PNKD: variants seen among roughly 807,000 people sequenced by gnomAD.
PNKD encodes PNKD metallo-beta-lactamase domain containing.
PNKD carries 36 observed loss-of-function variants against 45.3 expected under a neutral mutation model. The ratio of observed to expected loss-of-function variants is 0.80; its 90% CI spans 0.61 to 1.05. The LOEUF is 1.05. Among genes scored for constraint, PNKD ranks in the 50% least tolerant of loss-of-function variants. The probability of loss-of-function intolerance (pLI) is 0.00; values close to 1 mark genes in which losing one functional copy is unlikely to be tolerated. For missense variants in PNKD, 511 were observed against 506.6 expected (o/e 1.01, Z -0.08); for synonymous variants, 197 against 210.1 (o/e 0.94, Z 0.54).
chr2:218,295,501 A>G (rs892678004), intron 2 of PNKD, among the ~76,000 whole-genome samples: 4 of 152,162 alleles, frequency 2.6e-5, no homozygotes, highest in Admixed American at 6.6e-5. Flanking sequence ...AGGAGGTGAC[A>G]CCTGAGTAGA....
chr2:218,336,479 G>A (rs1240906991), intron 2 of PNKD, among the ~76,000 whole-genome samples: 4 of 152,070 alleles, frequency 2.6e-5, no homozygotes, highest in Non-Finnish European at 5.9e-5. Context: ...CTTATACATG[G>A]ATGTGTATTT....
At chr2:218,323,132 A>G in intron 2 of PNKD, 2 of 1,295,544 alleles carry the variant, frequency 1.5e-6, no homozygotes, top group Non-Finnish European at 2.0e-6. Context: ...GGTCCAAAGG[A>G]GAGGTCAATG....
intron 2 of PNKD, chr2:218,282,096 G>C: frequency 1.3e-6 from 2 of 1,563,232 alleles, no homozygotes; most frequent in Non-Finnish European, 1.7e-6. Context: ...CCTGGGTACA[G>C]GGGGTTGCGG....
intron 2 of PNKD, among the ~76,000 whole-genome samples, chr2:218,336,285 A>G (rs968022022): frequency 2.0e-5 from 3 of 151,372 alleles, no homozygotes; most frequent in Admixed American, 1.3e-4. Flanking sequence ...TTCTTCTACA[A>G]TCTCTATTTT....
chr2:218,336,354 T>A (rs1017438427), intron 2 of PNKD, among the ~76,000 whole-genome samples: 2 of 152,210 alleles, frequency 1.3e-5, no homozygotes, highest in Admixed American at 1.3e-4. Context: ...GCATTTAAAT[T>A]ATTAGCAGGA....
intron 2 of PNKD, 144 bp downstream of exon 2, chr2:218,271,693 G>A: frequency 1.4e-6 from 1 of 708,328 alleles, no homozygotes; most frequent in East Asian, 2.7e-5. Flanking sequence ...GAATCTCAGA[G>A]GGGTGGGGCA....
In PNKD at chr2:218,340,012, C is replaced by T; in HGVS notation, c.353-17C>T. The T allele has an allele frequency of 1.3e-6, 2 of 1,572,146 alleles. No individual in the cohort carries two copies. The highest frequency in any genetic ancestry group is 1.8e-6 in the Non-Finnish European group (2 of 1,141,836). Reference sequence around the variant, plus strand: ...TCCCTGCCTGTTACCCCGCCCACAGCCCATCTCTGTCCCCAGGAGTGAAGG... The same window carrying T: ...TCCCTGCCTGTTACCCCGCCCACAGTCCATCTCTGTCCCCAGGAGTGAAGG... On this transcript the variant is annotated splice_polypyrimidine_tract_variant and intron_variant, in intron 3 of 9. Transcript: ENST00000273077. This position sits in a 1 kb window ranked among gnomAD's most constrained non-coding sequence, Gnocchi z 4.2.
chr2:218,272,827 C>T lies in PNKD; in HGVS notation c.236+1278C>T. ...CTCAGGTTTGGCCCAGATTCCAGTTCGTGCCTCTGAGGTCCACCAGAGGGC... is the reference window on the plus strand; with the variant it reads ...CTCAGGTTTGGCCCAGATTCCAGTTTGTGCCTCTGAGGTCCACCAGAGGGC... On this transcript the variant is annotated intron_variant, in intron 2 of 9. Coordinates refer to ENST00000273077, the MANE Select transcript of PNKD (RefSeq NM_015488.5). 2.5e-6 allele frequency: 4 copies of T among 1,611,972 alleles called. No homozygotes were observed. The South Asian group carries it at 4.4e-5, about 18-fold the overall frequency.
rs747123133 is a variant in PNKD, at chr2:218,277,393, T to A, written c.236+5844T>A. 5 of 1,614,062 alleles carry A rather than the reference T, an allele frequency of 3.1e-6. No homozygotes were observed. In the Admixed American group the frequency reaches 5.0e-5, roughly 16 times the overall value. On this transcript the variant is annotated intron_variant, in intron 2 of 9. Transcript: ENST00000273077. Reference sequence around the variant, plus strand: ...TGGTCTGAAAGCAGAAGATGGTGACTGAAATGGATACCACCGCAGTGATGA... The same window carrying A: ...TGGTCTGAAAGCAGAAGATGGTGACAGAAATGGATACCACCGCAGTGATGA...
chr2:218,318,501 C>T (rs757988295), intron 2 of PNKD, among the ~76,000 whole-genome samples: 7 of 152,248 alleles, frequency 4.6e-5, no homozygotes, highest in Admixed American at 1.3e-4. Flanking sequence ...GGCTTCTGTA[C>T]AGCTCTCCTG....
intron 2 of PNKD, among the ~76,000 whole-genome samples, chr2:218,336,760 A>C (rs1694504710): frequency 7.2e-6 from 1 of 139,542 alleles, no homozygotes; most frequent in Non-Finnish European, 1.5e-5. Flanking sequence ...GGATTACAGG[A>C]GTGAGTCACC....
intron 2 of PNKD, among the ~76,000 whole-genome samples, chr2:218,299,229 C>T (rs1354274979): frequency 6.6e-6 from 1 of 152,262 alleles, no homozygotes; most frequent in African/African-American, 2.4e-5. Context: ...GCAACCTCCG[C>T]GTCCGAGGTT....
chr2:218,312,127 A>C (rs1693632472), intron 2 of PNKD, among the ~76,000 whole-genome samples: 1 of 152,222 alleles, frequency 6.6e-6, no homozygotes, highest in Admixed American at 6.5e-5. Context: ...CAGCGTCTCA[A>C]AGCAGAAACA....
intron 2 of PNKD, chr2:218,274,401 G>A (rs1307985517): frequency 1.3e-5 from 2 of 154,794 alleles, no homozygotes. Flanking sequence ...GTGGCTGGCT[G>A]GAGAGATGGG....
chr2:218,290,205 T>G (rs1692843508), intron 2 of PNKD: 1 of 152,260 alleles, frequency 6.6e-6, no homozygotes, highest in African/African-American at 2.4e-5. Flanking sequence ...ACCCCCTTCT[T>G]GGAAATTCAC....
intron 2 of PNKD, among the ~76,000 whole-genome samples, chr2:218,325,159 A>G (rs1694113046): frequency 6.8e-6 from 1 of 147,252 alleles, no homozygotes; most frequent in Non-Finnish European, 1.5e-5. Flanking sequence ...TCAGCCTCCC[A>G]AAGTGCTGGG....
intron 2 of PNKD, chr2:218,278,600 CA>C: frequency 6.2e-7 from 1 of 1,613,046 alleles, no homozygotes. Flanking sequence ...AGTTCAGGCC[CA>C]AATCTGCCCC....
chr2:218,310,721 A>G (rs569249426), intron 2 of PNKD, among the ~76,000 whole-genome samples: 1 of 149,014 alleles, frequency 6.7e-6, no homozygotes, highest in African/African-American at 2.5e-5. Flanking sequence ...CCTCCTAAGT[A>G]CCTGGGGTTA....
chr2:218,314,487 T>C (rs945211925), intron 2 of PNKD, among the ~76,000 whole-genome samples: 1 of 151,980 alleles, frequency 6.6e-6, no homozygotes, highest in Non-Finnish European at 1.5e-5. Flanking sequence ...CCTCCCAAAG[T>C]GCTGGGATTA....
Sources: gnomAD v4.1 joint callset for allele counts (sites outside exome capture counted in the v4.1 genomes callset) on GRCh38, gnomAD v4.1.1 for gene constraint, Gnocchi (gnomAD v3.1) non-coding constraint, MANE v1.5 for transcripts, NCBI Gene and HGNC (gene_info 2026-07-23, HGNC 2026-07-21) for gene names.